SYT17: variants seen among roughly 807,000 people sequenced by gnomAD.
The protein encoded by SYT17 is synaptotagmin 17.
Under a neutral mutation model 46.7 loss-of-function variants are expected in SYT17, and 22 were observed. The ratio of observed to expected loss-of-function variants is 0.47; its 90% CI spans 0.34 to 0.67. SYT17 has a LOEUF of 0.67. SYT17 is among the 30% of genes least tolerant of loss of function. SYT17 has a pLI of 0.01. For missense variants in SYT17, 519 were observed against 612.8 expected (o/e 0.85, Z 1.62); for synonymous variants, 251 against 248.4 (o/e 1.01, Z -0.10).
intron 5 of SYT17, among the ~76,000 whole-genome samples, chr16:19,188,727 G>A (rs1964889632): frequency 6.6e-6 from 1 of 152,154 alleles, no homozygotes; most frequent in Non-Finnish European, 1.5e-5. Flanking sequence ...GGCATTAGCA[G>A]AGTCGTGTTC....
At chr16:19,189,617 T>G (rs1245620817) in intron 5 of SYT17, among the ~76,000 whole-genome samples, 1 of 152,226 alleles carries the variant, frequency 6.6e-6, no homozygotes, top group Non-Finnish European at 1.5e-5. Flanking sequence ...CCTCAAGTGC[T>G]GGGATTAAAG....
chr16:19,266,819 C>T, intron 7 of SYT17, 61 bp from the exon 8 acceptor site: 2 of 1,502,038 alleles, frequency 1.3e-6, no homozygotes, highest in Non-Finnish European at 1.8e-6. Context: ...TCCCTGCCTT[C>T]CTGTTCTGTT....
intron 7 of SYT17, among the ~76,000 whole-genome samples, chr16:19,236,898 T>A (rs11074373): frequency 6.6e-6 from 1 of 151,956 alleles, no homozygotes; most frequent in Non-Finnish European, 1.5e-5. Context: ...GGGTAAGACC[T>A]TTCATGATCA....
At chr16:19,266,754 G>T (rs1282717981) in intron 7 of SYT17, 126 bp from the exon 8 acceptor site, 5 of 765,450 alleles carry the variant, frequency 6.5e-6, no homozygotes, top group Non-Finnish European at 4.0e-6. Context: ...TGCCCTAAAC[G>T]ATGACCCCCA....
chr16:19,241,855 G>A (rs935163054), intron 7 of SYT17, among the ~76,000 whole-genome samples: 7 of 152,182 alleles, frequency 4.6e-5, no homozygotes, highest in Non-Finnish European at 1.0e-4. Flanking sequence ...CCTTGGGCAC[G>A]TGGGGCACAG....
intron 7 of SYT17, among the ~76,000 whole-genome samples, chr16:19,245,446 T>C (rs1967473062): frequency 6.6e-6 from 1 of 152,036 alleles, no homozygotes; most frequent in Non-Finnish European, 1.5e-5. Context: ...GTTTTTGGGG[T>C]GAGGTGGTGA....
At chr16:19,219,120 A>AACACCCATGT (rs1174107969) in intron 5 of SYT17, among the ~76,000 whole-genome samples, 1 of 63,662 alleles carries the variant, frequency 1.6e-5, no homozygotes. Context: ...TAATAAAACA[A>AACACCCATGT]GGCCGGGCGC....
chr16:19,251,096 T>C (rs1399864173), intron 7 of SYT17, among the ~76,000 whole-genome samples: 18 of 152,186 alleles, frequency 1.2e-4, no homozygotes, highest in Admixed American at 1.2e-3. Context: ...ACATATCCAT[T>C]CTAGTAATAG....
Position 19,220,719 on chromosome 16 carries a change from A to G in SYT17, c.952-2326A>G, listed in dbSNP as rs891708018. On this transcript the variant is annotated intron_variant, in intron 5 of 7. Transcript: ENST00000355377. Reference sequence around the variant, plus strand: ...AGAGAAACTAGGCTCAGCCTCAAATACAGCATAGACAAATGGGAATCTATA... The same window carrying G: ...AGAGAAACTAGGCTCAGCCTCAAATGCAGCATAGACAAATGGGAATCTATA... Among the ~76,000 whole-genome samples, 7 of 152,224 alleles carry G rather than the reference A, an allele frequency of 4.6e-5. No homozygotes were observed. The East Asian group carries it at 1.3e-3, about 29-fold the overall frequency.
At chr16:19,209,908 A>G (rs1170685871) in intron 5 of SYT17, among the ~76,000 whole-genome samples, 1 of 151,462 alleles carries the variant, frequency 6.6e-6, no homozygotes, top group East Asian at 1.9e-4. Context: ...AAAAACAACA[A>G]CAACAACAAC....
At chr16:19,215,039 C>A (rs112318577) in intron 5 of SYT17, among the ~76,000 whole-genome samples, 1 of 152,046 alleles carries the variant, frequency 6.6e-6, no homozygotes, top group Admixed American at 6.5e-5. Context: ...CTGCCTGCCT[C>A]GGCCTCCCAA....
At chr16:19,173,333 C>CT (rs1964177208) in intron 2 of SYT17, 97 bp from the exon 3 acceptor site, 2 of 763,572 alleles carry the variant, frequency 2.6e-6, no homozygotes, top group Non-Finnish European at 4.1e-6. Flanking sequence ...AGATCGGCTG[C>CT]TTGTAATTTT....
At chr16:19,205,612 G>A (rs930483308) in intron 5 of SYT17, among the ~76,000 whole-genome samples, 1 of 151,914 alleles carries the variant, frequency 6.6e-6, no homozygotes, top group Non-Finnish European at 1.5e-5. Flanking sequence ...GCTACTTTTT[G>A]TATCTTTGGT....
intron 5 of SYT17, 57 bp from the exon 6 acceptor site, chr16:19,222,988 G>A (rs1966378310): frequency 1.2e-6 from 2 of 1,600,236 alleles, no homozygotes; most frequent in Admixed American, 3.4e-5. Context: ...CTTGTATGGT[G>A]GGTGCAAAAG....
intron 7 of SYT17, among the ~76,000 whole-genome samples, chr16:19,242,922 C>T (rs1967241675): frequency 6.6e-6 from 1 of 152,074 alleles, no homozygotes; most frequent in Non-Finnish European, 1.5e-5. Flanking sequence ...GCTCCTGGCT[C>T]CATGAAGAAC....
In SYT17 at chr16:19,244,102, C is replaced by T. The variant is rs76408644; in HGVS notation, c.1228+19264C>T. On this transcript the variant is annotated intron_variant, in intron 7 of 7. Transcript: ENST00000355377. The stretch of plus-strand genomic sequence containing the variant: ...TTTATTAAAGTCTTAGAATCCTCCA[C>T]GTGCTGTCCCAAGTACTTTATAAGC... 3.9e-4 allele frequency among the ~76,000 whole-genome samples: 59 copies of T among 152,274 alleles called. 1 individual carries two copies. In the East Asian group the frequency reaches 0.011, roughly 28 times the overall value.
intron 5 of SYT17, among the ~76,000 whole-genome samples, chr16:19,211,723 TC>T (rs1965909787): frequency 6.6e-6 from 1 of 152,054 alleles, no homozygotes; most frequent in South Asian, 2.1e-4. Context: ...CCTCCCGGGT[TC>T]ACGGCATTCC....
At chr16:19,200,083 AAG>A (rs751502910) in intron 5 of SYT17, among the ~76,000 whole-genome samples, 63 of 152,328 alleles carry the variant, frequency 4.1e-4, no homozygotes, top group Non-Finnish European at 8.1e-4. Flanking sequence ...CTCTAGGAGA[AAG>A]AGAGGGTGGT....
intron 7 of SYT17, among the ~76,000 whole-genome samples, chr16:19,225,553 G>A (rs1288667965): frequency 6.6e-6 from 1 of 152,160 alleles, no homozygotes. Flanking sequence ...ACAAAGCTTT[G>A]CTGTATAGTT....
Sources: gnomAD v4.1 joint callset for allele counts (sites outside exome capture counted in the v4.1 genomes callset) on GRCh38, gnomAD v4.1.1 for gene constraint, MANE v1.5 for transcripts, NCBI Gene and HGNC (gene_info 2026-07-23, HGNC 2026-07-21) for gene names.